The following PDE4D variants were observed in gnomAD, a reference collection of about 807,000 sequenced individuals.
PDE4D encodes phosphodiesterase 4D.
In PDE4D, 24 loss-of-function variants were observed where a neutral mutation model predicts 87.4. The observed-to-expected ratio is 0.27, with a 90% confidence interval of 0.20 to 0.39. PDE4D has a LOEUF of 0.39. Among genes scored for constraint, PDE4D ranks in the 10% least tolerant of loss-of-function variants. The probability of loss-of-function intolerance (pLI) is 1.00; values close to 1 mark genes in which losing one functional copy is unlikely to be tolerated. For missense variants in PDE4D, 714 were observed against 1,041.0 expected (o/e 0.69, Z 4.32); for synonymous variants, 384 against 383.2 (o/e 1.00, Z -0.02).
intron 1 of PDE4D, chr5:59,357,006 G>T: frequency 1.2e-6 from 1 of 852,562 alleles, no homozygotes; most frequent in Non-Finnish European, 1.6e-6. Context: ...TGGCAGGCTG[G>T]CTGAGGCAGG....
chr5:59,239,245 T>C (rs1173474113), intron 1 of PDE4D, among the ~76,000 whole-genome samples: 1 of 152,206 alleles, frequency 6.6e-6, no homozygotes, highest in Non-Finnish European at 1.5e-5. Flanking sequence ...AGAAAGTGTG[T>C]TCTTCAACAT....
intron 1 of PDE4D, among the ~76,000 whole-genome samples, chr5:59,845,669 C>T (rs570106153): frequency 1.5e-4 from 23 of 152,156 alleles, no homozygotes; most frequent in African/African-American, 5.5e-4. Context: ...TGTCTGAAAC[C>T]AATTTCAGAT....
At chr5:59,327,320 A>G (rs1040914971) in intron 1 of PDE4D, among the ~76,000 whole-genome samples, 1 of 152,144 alleles carries the variant, frequency 6.6e-6, no homozygotes, top group Non-Finnish European at 1.5e-5. Context: ...TGGAAAATGC[A>G]TTATAAGTCT....
intron 1 of PDE4D, among the ~76,000 whole-genome samples, chr5:59,541,588 C>G (rs544099509): frequency 6.6e-6 from 1 of 152,300 alleles, no homozygotes; most frequent in South Asian, 2.1e-4. Context: ...ATCTCCTCCC[C>G]CTTTATATAG....
intron 5 of PDE4D, among the ~76,000 whole-genome samples, chr5:59,163,887 T>C (rs1469759832): frequency 6.6e-6 from 1 of 152,236 alleles, no homozygotes; most frequent in Non-Finnish European, 1.5e-5. Flanking sequence ...CCCATTTCAA[T>C]GGTGACTTTG....
intron 1 of PDE4D, among the ~76,000 whole-genome samples, chr5:60,419,656 A>G (rs1742920004): frequency 6.6e-6 from 1 of 152,196 alleles, no homozygotes; most frequent in African/African-American, 2.4e-5. Context: ...GGCAGAATGC[A>G]TTGTAAACTA....
At chr5:59,137,588 G>A (rs980022841) in intron 5 of PDE4D, among the ~76,000 whole-genome samples, 3 of 150,728 alleles carry the variant, frequency 2.0e-5, no homozygotes, top group Admixed American at 1.3e-4. Context: ...GTGCAGTGGC[G>A]AGATCTCAGC....
intron 2 of PDE4D, among the ~76,000 whole-genome samples, chr5:60,135,705 G>A (rs769916261): frequency 2.0e-5 from 3 of 152,134 alleles, no homozygotes; most frequent in Non-Finnish European, 4.4e-5. Context: ...CCATAGTGCT[G>A]GAAGAAAGGT....
At chr5:60,394,674 A>G (rs1762770438) in intron 1 of PDE4D, among the ~76,000 whole-genome samples, 1 of 152,138 alleles carries the variant, frequency 6.6e-6, no homozygotes, top group Non-Finnish European at 1.5e-5. Context: ...GACCTCCAAA[A>G]TTTTCCTTAG....
chr5:60,242,623 TATC>T (rs1747256891), intron 1 of PDE4D, among the ~76,000 whole-genome samples: 1 of 152,092 alleles, frequency 6.6e-6, no homozygotes, highest in Admixed American at 6.6e-5. Flanking sequence ...TTTGAAATAA[TATC>T]AACTATCTCC....
At chr5:60,272,334 C>T (rs952656973) in intron 1 of PDE4D, among the ~76,000 whole-genome samples, 3 of 152,236 alleles carry the variant, frequency 2.0e-5, no homozygotes, top group African/African-American at 4.8e-5. Flanking sequence ...AACCCGTATA[C>T]TTATTCATTT....
intron 1 of PDE4D, among the ~76,000 whole-genome samples, chr5:59,328,882 G>A (rs551858373): frequency 6.6e-6 from 1 of 152,154 alleles, no homozygotes; most frequent in Non-Finnish European, 1.5e-5. Flanking sequence ...ATACTTTCTG[G>A]CAGCTCATAA....
intron 6 of PDE4D, 103 bp downstream of exon 6, chr5:59,038,755 TA>T: frequency 8.5e-7 from 1 of 1,179,420 alleles, no homozygotes; most frequent in Non-Finnish European, 1.1e-6. Context: ...GCAGTAAGCC[TA>T]AAAAACCTCT....
intron 1 of PDE4D, among the ~76,000 whole-genome samples, chr5:59,818,707 T>G (rs1384596997): frequency 6.6e-6 from 1 of 152,154 alleles, no homozygotes; most frequent in Non-Finnish European, 1.5e-5. Context: ...CTGATGGATC[T>G]TTCTGCCCAT....
intron 1 of PDE4D, among the ~76,000 whole-genome samples, chr5:59,474,166 T>C (rs960733769): frequency 2.0e-5 from 3 of 152,148 alleles, no homozygotes; most frequent in African/African-American, 7.2e-5. Context: ...ACAAGAGCAA[T>C]TCAGTGTTAT....
intron 1 of PDE4D, among the ~76,000 whole-genome samples, chr5:59,587,941 T>G (rs1447982267): frequency 6.6e-6 from 1 of 151,518 alleles, no homozygotes; most frequent in Non-Finnish European, 1.5e-5. Context: ...AAAAAAGAAA[T>G]AAAAGAAGTC....
rs184872606 is a variant in PDE4D at position 59,320,049 on chromosome 5, G to C, written c.456-104081C>G. Among the ~76,000 whole-genome samples the C allele has an allele frequency of 2.7e-3, 411 of 152,030 alleles. 1 individual carries two copies. The highest frequency in any genetic ancestry group is 0.021 in the South Asian group (103 of 4,812). On this transcript the variant is annotated intron_variant, in intron 1 of 14. Transcript: ENST00000340635. The stretch of plus-strand genomic sequence containing the variant: ...ACCCAGTCCACAGCCATAGATGCTA[G>C]GATAGTCTTGGTCACATCCCCAGCC...
rs965630395 is a variant in PDE4D at position 59,486,666 on chromosome 5, A to G, written c.456-270698T>C. 2.6e-5 allele frequency among the ~76,000 whole-genome samples: 4 copies of G among 152,320 alleles called. No homozygotes were observed. The South Asian group carries it at 6.2e-4, about 24-fold the overall frequency. On this transcript the variant is annotated intron_variant, in intron 1 of 14. Coordinates refer to ENST00000340635, the MANE Select transcript of PDE4D (RefSeq NM_001104631.2). ...AAATGACTCGCCAATGTCATACAAC[A>G]TGCAAGGAGTGGAGCTGAGGTTTAA...
chr5:60,212,052 T>A (rs972305706), intron 1 of PDE4D, among the ~76,000 whole-genome samples: 2 of 152,216 alleles, frequency 1.3e-5, no homozygotes, highest in Non-Finnish European at 2.9e-5. Context: ...AAAAGGAAGA[T>A]ATCGTTGCAT....
Sources: gnomAD v4.1 joint callset for allele counts (sites outside exome capture counted in the v4.1 genomes callset) on GRCh38, gnomAD v4.1.1 for gene constraint, MANE v1.5 for transcripts, NCBI Gene and HGNC (gene_info 2026-07-23, HGNC 2026-07-21) for gene names.